The following HACL1 variants were observed in gnomAD, a reference collection of about 807,000 sequenced individuals.
HACL1 encodes the protein 1600020H07Rik.
HACL1 carries 64 observed loss-of-function variants against 74.2 expected under a neutral mutation model. The ratio of observed to expected loss-of-function variants is 0.86; its 90% CI spans 0.70 to 1.06. HACL1 has a LOEUF of 1.06. Ranked by LOEUF, HACL1 falls within the 50% of genes least tolerant of loss-of-function variation. HACL1 has a pLI of 0.00. For missense variants in HACL1, 728 were observed against 719.7 expected (o/e 1.01, Z -0.13); for synonymous variants, 230 against 238.8 (o/e 0.96, Z 0.34).
chr3:15,568,546 G>T lies in HACL1; in HGVS notation c.1136C>A (p.Thr379Lys). The change falls in exon 13 of 17, where the codon ACA becomes AAA. Residue 379 changes from threonine to lysine, a missense_variant. By Grantham distance (78) the Thr-to-Lys change is moderately conservative. Transcript: ENST00000321169. Reference sequence around the variant, plus strand: ...TTGTTCTTGAACATGGTAGAATACTGTGTAATAATTCATAGGCAGGGATTT... The same window carrying T: ...TTGTTCTTGAACATGGTAGAATACTTTGTAATAATTCATAGGCAGGGATTT... The part of the protein sequence containing the change: ...SKKSLPMNYY[T>K]VFYHVQEQLP... The T allele has an allele frequency of 6.3e-7, 1 of 1,575,252 alleles. No homozygotes were observed. Among genetic ancestry groups the T allele is most frequent in the Non-Finnish European group, 8.7e-7 (1 of 1,150,798 alleles).
At chr3:15,581,936 C>T (rs1249603787) in intron 8 of HACL1, among the ~76,000 whole-genome samples, 1 of 152,136 alleles carries the variant, frequency 6.6e-6, no homozygotes, top group Non-Finnish European at 1.5e-5. Flanking sequence ...TTAATTATAT[C>T]CTATTGAGGT....
chr3:15,582,339 C>A (rs77462037), intron 8 of HACL1, among the ~76,000 whole-genome samples: 3,887 of 152,214 alleles, frequency 0.026, 140 homozygotes, highest in African/African-American at 0.078. Context: ...GCTTTAGGCA[C>A]AAACATGTCT....
intron 12 of HACL1, among the ~76,000 whole-genome samples, chr3:15,569,083 A>G (rs977819657): frequency 2.6e-4 from 39 of 152,214 alleles, no homozygotes; most frequent in Non-Finnish European, 1.9e-4. Flanking sequence ...TAAAGGAGCT[A>G]TCTTACCCCC....
chr3:15,585,452 T>C, intron 6 of HACL1, 110 bp from the exon 7 acceptor site: 1 of 666,484 alleles, frequency 1.5e-6, no homozygotes, highest in Non-Finnish European at 2.7e-6. Context: ...TTTCTGGACA[T>C]CCTTGTGGAG....
chr3:15,598,781 C>CT (rs2064122011), intron 2 of HACL1, among the ~76,000 whole-genome samples: 1 of 152,220 alleles, frequency 6.6e-6, no homozygotes, highest in South Asian at 2.1e-4. Flanking sequence ...CATTCTGTCA[C>CT]TACCCTTAGT....
At chr3:15,595,604 C>CTTT (rs764183329) in intron 3 of HACL1, among the ~76,000 whole-genome samples, 44 of 97,324 alleles carry the variant, frequency 4.5e-4, no homozygotes, top group Non-Finnish European at 6.6e-4. Flanking sequence ...ATCTTTTTTC[C>CTTT]TTTTTTTTTT....
intron 4 of HACL1, 135 bp from the exon 5 acceptor site, chr3:15,589,747 G>A: frequency 1.5e-6 from 1 of 667,066 alleles, no homozygotes; most frequent in Non-Finnish European, 2.6e-6. Context: ...AGAAACTGTA[G>A]ATTAAGGCTG....
intron 9 of HACL1, among the ~76,000 whole-genome samples, chr3:15,579,503 T>C (rs375397815): frequency 7.2e-5 from 11 of 152,206 alleles, no homozygotes; most frequent in Admixed American, 2.0e-4. Context: ...AAGGTTGACA[T>C]AGAAAAAATA....
intron 4 of HACL1, among the ~76,000 whole-genome samples, chr3:15,591,277 CTTT>C: frequency 6.6e-6 from 1 of 152,034 alleles, no homozygotes; most frequent in Non-Finnish European, 1.5e-5. Flanking sequence ...GAAATAGTCA[CTTT>C]TTTTGGTAAA....
At chr3:15,568,117 A>C in intron 13 of HACL1, 115 bp from the exon 14 acceptor site, 1 of 893,570 alleles carries the variant, frequency 1.1e-6, no homozygotes, top group Non-Finnish European at 1.7e-6. Flanking sequence ...GAACCATAAA[A>C]ACATTCTCTT....
rs1034719200 is a variant in HACL1, at chr3:15,580,004, C to A, written c.709G>T (p.Val237Leu). ...AAAAATGGCAGTTTATATTGCTCCA[C>A]CAATTTCTTGATACTCTCTTCTGCA... is the stretch of plus-strand genomic sequence containing the variant. Reference protein sequence around the residue: ...AHAEESIKKLVEQYKLPFLPT... With the variant: ...AHAEESIKKLLEQYKLPFLPT... Residue 237 changes from valine to leucine, a missense_variant, in exon 9 of 17, where the codon GTG (valine) becomes TTG (leucine). Physicochemically the swap from Val to Leu is conservative, Grantham distance 32 (BLOSUM62 1). Coordinates refer to ENST00000321169, the MANE Select transcript of HACL1 (RefSeq NM_012260.4). 1 of 1,610,980 alleles carries A rather than the reference C, an allele frequency of 6.2e-7. No homozygotes were observed. The highest frequency in any genetic ancestry group is 8.5e-7 in the Non-Finnish European group (1 of 1,177,244).
intron 14 of HACL1, among the ~76,000 whole-genome samples, chr3:15,565,058 G>A (rs537841013): frequency 3.9e-5 from 6 of 152,074 alleles, no homozygotes; most frequent in African/African-American, 1.4e-4. Context: ...CCAGCTACTC[G>A]GGAGGCTGAG....
In HACL1 at chr3:15,585,231, G is replaced by C. The variant is rs182024312; in HGVS notation, c.554+17C>G. ...CATGTACATTGAAGAAAGAATTCCA[G>C]CATAACTATTACTCACTTTATAGAA... On this transcript the variant is annotated intron_variant, in intron 7 of 16. Coordinates refer to ENST00000321169, the MANE Select transcript of HACL1 (RefSeq NM_012260.4). 1.6e-6 allele frequency: 2 copies of C among 1,217,170 alleles called. No individual in the cohort carries two copies. The highest frequency in any genetic ancestry group is 3.0e-5 in the African/African-American group (2 of 67,470). 75.4% of individuals were successfully genotyped at this position (1,217,170 alleles called of 1,614,324 possible). A position where few individuals can be genotyped will look rare whatever the true frequency, so the allele number is the denominator to read the frequency against.
At chr3:15,590,548 C>T (rs980778592) in intron 4 of HACL1, among the ~76,000 whole-genome samples, 4 of 152,090 alleles carry the variant, frequency 2.6e-5, no homozygotes, top group Non-Finnish European at 5.9e-5. Flanking sequence ...GGTAAAGTGC[C>T]AGAGACGGAG....
At position 15,564,616 on chromosome 3, in the gene HACL1, T is replaced by A. The variant is rs777097303; in HGVS notation, c.1452A>T (p.Gly484=). 28 of 1,575,586 alleles carry A rather than the reference T, an allele frequency of 1.8e-5. No individual in the cohort carries two copies. Among genetic ancestry groups the A allele is most frequent in the African/African-American group, 2.7e-5 (2 of 74,244 alleles). ...TATCTGTATCAAAACCTTGGTAAAT[T>A]CCATTGTTATTCACTACCAACAGTA... The part of the protein sequence containing the change: ...PIILLVVNNN[G]IYQGFDTDTW... The change falls in exon 15 of 17, where the codon GGA becomes GGT. Residue 484 remains glycine (G), a synonymous_variant. Transcript: ENST00000321169.
At position 15,580,017 on chromosome 3, in the gene HACL1, ACT is replaced by A. The variant is rs745550129; in HGVS notation, c.694_695del (p.Ser232TyrfsTer9). ...TATATTGCTCCACCAATTTCTTGAT[ACT>A]CTCTTCTGCATGAGCGTAAGCAGCA... ...KGAAYAHAEE[S>X]IKKLVEQYKL... is the part of the protein sequence containing the mutation. On this transcript the variant is annotated frameshift_variant, in exon 9 of 17. Coordinates refer to ENST00000321169, the MANE Select transcript of HACL1 (RefSeq NM_012260.4). LOFTEE classifies it high-confidence loss of function. 50 of 1,611,914 alleles carry A rather than the reference ACT, an allele frequency of 3.1e-5. No individual in the cohort carries two copies. In the Middle Eastern group the frequency reaches 8.2e-4, roughly 27 times the overall value.
rs869072841 is a variant in HACL1 at position 15,571,829 on chromosome 3, C to CTTTT, written c.994-64_994-61dup. ...TAAACTTTTTCTTTGCCTTTTTTTT[C>CTTTT]TTTTTTTTTTTTTTTTTTTTTTTTT... is the stretch of plus-strand genomic sequence containing the variant. On this transcript the variant is annotated intron_variant, in intron 11 of 16. Transcript: ENST00000321169. 90 of 226,160 alleles carry CTTTT rather than the reference C, an allele frequency of 4.0e-4. 1 individual carries two copies. The highest frequency in any genetic ancestry group is 1.1e-3 in the East Asian group (5 of 4,754). 14.0% of individuals were successfully genotyped at this position (226,160 alleles called of 1,614,324 possible). A position where few individuals can be genotyped will look rare whatever the true frequency, so the allele number is the denominator to read the frequency against.
intron 13 of HACL1, 79 bp from the exon 14 acceptor site, chr3:15,568,081 A>T: frequency 8.7e-7 from 1 of 1,154,736 alleles, no homozygotes; most frequent in Non-Finnish European, 1.3e-6. Context: ...TTCTAGTCAT[A>T]TTTACATGGT....
intron 3 of HACL1, among the ~76,000 whole-genome samples, chr3:15,593,468 C>G (rs772656343): frequency 3.9e-5 from 6 of 152,088 alleles, no homozygotes; most frequent in Non-Finnish European, 5.9e-5. Context: ...ATCTGCCTGC[C>G]TTGGCCTCCC....
Sources: gnomAD v4.1 joint callset for allele counts (sites outside exome capture counted in the v4.1 genomes callset) on GRCh38, gnomAD v4.1.1 for gene constraint, MANE v1.5 for transcripts, NCBI Gene and HGNC (gene_info 2026-07-23, HGNC 2026-07-21) for gene names.